DCAF16: variants seen among roughly 807,000 people sequenced by gnomAD.
DCAF16 encodes the protein DDB1- and CUL4-associated factor 16.
A neutral mutation model predicts 17.3 loss-of-function variants in DCAF16; 10 were observed. That is an observed-to-expected ratio of 0.58 (90% CI 0.36 to 0.98). The LOEUF is 0.98. DCAF16 is among the 50% of genes least tolerant of loss of function. The probability of loss-of-function intolerance (pLI) is 0.01; values close to 1 mark genes in which losing one functional copy is unlikely to be tolerated. For synonymous variants in DCAF16, 111 were observed against 92.8 expected, an observed-to-expected ratio of 1.20 and a Z score of -1.12; for missense variants, 249 against 247.6, an observed-to-expected ratio of 1.01 and a Z score of -0.04.
Position 17,802,391 on chromosome 4 carries a change from C to T in DCAF16, c.*1100G>A, listed in dbSNP as rs1471736750. On this transcript the variant is annotated 3_prime_UTR_variant, in exon 3 of 3. Coordinates refer to ENST00000382247, the MANE Select transcript of DCAF16 (RefSeq NM_017741.4). ...TCTTATAGGCTGATTTAGTCAGAGA[C>T]AGCCTGGTGGGAGACTCCGATATAG... 6.6e-6 allele frequency: 1 copy of T among 152,326 alleles called. No homozygotes were observed. Among genetic ancestry groups the T allele is most frequent in the Non-Finnish European group, 1.5e-5 (1 of 68,020 alleles). 9.4% of individuals were successfully genotyped at this position (152,326 alleles called of 1,614,324 possible).
intron 1 of DCAF16, among the ~76,000 whole-genome samples, chr4:17,806,162 T>TA (rs1373917894): frequency 3.9e-5 from 6 of 152,314 alleles, no homozygotes; most frequent in Non-Finnish European, 7.3e-5. Context: ...TACAAACTAT[T>TA]AGAGTTCAAC....
At chr4:17,807,647 G>A (rs1560215008) in intron 1 of DCAF16, among the ~76,000 whole-genome samples, 2 of 152,210 alleles carry the variant, frequency 1.3e-5, no homozygotes, top group Non-Finnish European at 2.9e-5. Flanking sequence ...GTGATGACAG[G>A]AATTAGAAGC....
Position 17,810,719 on chromosome 4 carries a change from A to G in DCAF16, c.-1022T>C, listed in dbSNP as rs565825097. 1.2e-4 allele frequency: 22 copies of G among 189,758 alleles called. No homozygotes were observed. The highest frequency in any genetic ancestry group is 4.9e-4 in the African/African-American group (21 of 43,128). 11.8% of individuals were successfully genotyped at this position (189,758 alleles called of 1,614,324 possible). A position where few individuals can be genotyped will look rare whatever the true frequency, so the allele number is the denominator to read the frequency against. ...CCAGCAGCCCTTCCCCTCCGGTGGC[A>G]AGGCCACTCCGCTCAGCTCCCGCGC... On this transcript the variant is annotated 5_prime_UTR_variant, in exon 1 of 3. Transcript: ENST00000382247.
At chr4:17,795,020 C>T in the DCAF16 span, among the ~76,000 whole-genome samples, 1 of 152,176 alleles carries the variant, frequency 6.6e-6, no homozygotes, top group Non-Finnish European at 1.5e-5. Context: ...ATTACTCCCT[C>T]ATTTTGGTAA....
chr4:17,793,497 C>A, the DCAF16 span, among the ~76,000 whole-genome samples: 28 of 151,956 alleles, frequency 1.8e-4, no homozygotes, highest in Non-Finnish European at 4.0e-4. Flanking sequence ...AAATAAATGT[C>A]AACAGGTAAA....
intron 1 of DCAF16, among the ~76,000 whole-genome samples, chr4:17,809,039 T>A (rs955705877): frequency 6.6e-6 from 1 of 151,720 alleles, no homozygotes; most frequent in African/African-American, 2.4e-5. Context: ...AAAATAAAAA[T>A]AAAAAAATAT....
downstream of DCAF16, among the ~76,000 whole-genome samples, chr4:17,798,310 C>CTTTTTTTTTTTT: frequency 7.6e-6 from 1 of 131,278 alleles, no homozygotes; most frequent in Non-Finnish European, 1.6e-5. Flanking sequence ...TGTTATTTTC[C>CTTTTTTTTTTTT]TTTTTTTTTT....
At position 17,802,179 on chromosome 4, in the gene DCAF16, T is replaced by A. The variant is rs1361681428; in HGVS notation, c.*1312A>T. ...ATGTGGAAAGTACTTGAGCTTTTAC[T>A]CCAGGAAATGCTATACAGATTAAAA... On this transcript the variant is annotated 3_prime_UTR_variant, in exon 3 of 3. Transcript: ENST00000382247. 6.6e-6 allele frequency: 1 copy of A among 152,414 alleles called. No individual in the cohort carries two copies. The highest frequency in any genetic ancestry group is 1.5e-5 in the Non-Finnish European group (1 of 67,984). The allele number at this position is 152,414 out of a possible 1,614,324, so 9.4% of individuals were successfully genotyped here.
In DCAF16 at chr4:17,801,034, TAGACA is replaced by T. The variant is rs998568493; in HGVS notation, c.*2452_*2456del. On this transcript the variant is annotated 3_prime_UTR_variant, in exon 3 of 3. Transcript: ENST00000382247. ...TTCTACAATTCCCTCTTTTTTCCTT[TAGACA>T]AGACAACTAAGGCTCAGCAGAAATA... is the stretch of plus-strand genomic sequence containing the variant. The T allele has an allele frequency of 1.3e-5, 2 of 152,094 alleles. No homozygotes were observed. Among genetic ancestry groups the T allele is most frequent in the Non-Finnish European group, 2.9e-5 (2 of 68,032 alleles). 9.4% of individuals were successfully genotyped at this position (152,094 alleles called of 1,614,324 possible).
rs751989926 is a variant in DCAF16, at chr4:17,803,661, G to A, written c.481C>T (p.Pro161Ser). Residue 161 changes from proline (P) to serine (S), a missense_variant, in exon 3 of 3, where the codon CCC (proline) becomes TCC (serine). Coordinates refer to ENST00000382247, the MANE Select transcript of DCAF16 (RefSeq NM_017741.4). ...ATCTGTTTTAGGTATTCAGGTATGG[G>A]AGTGGCTCTACTCAATGTTCGGCTT... ...QLSRTLSRAT[P>S]IPEYLKQIPN... 6.2e-7 allele frequency: 1 copy of A among 1,614,230 alleles called. No homozygotes were observed. Among genetic ancestry groups the A allele is most frequent in the Non-Finnish European group, 8.5e-7 (1 of 1,180,054 alleles).
At chr4:17,808,599 T>TA (rs900105263) in intron 1 of DCAF16, among the ~76,000 whole-genome samples, 34 of 149,590 alleles carry the variant, frequency 2.3e-4, no homozygotes, top group African/African-American at 8.2e-4. Flanking sequence ...CTTTAACCAT[T>TA]AAAACAAAAC....
chr4:17,798,536 C>T (rs967736574), downstream of DCAF16, among the ~76,000 whole-genome samples: 5 of 151,742 alleles, frequency 3.3e-5, no homozygotes, highest in African/African-American at 4.8e-5. Context: ...GTCGAGGCTG[C>T]GGTGAGCCAA....
At chr4:17,809,649 T>C (rs1720677175) in intron 1 of DCAF16, 1 of 152,160 alleles carries the variant, frequency 6.6e-6, no homozygotes, top group African/African-American at 2.4e-5. Context: ...GAAAAACGGC[T>C]TCCCTCCATC....
the DCAF16 span, among the ~76,000 whole-genome samples, chr4:17,794,522 A>T: frequency 6.6e-6 from 1 of 152,196 alleles, no homozygotes; most frequent in Non-Finnish European, 1.5e-5. Flanking sequence ...GATTCTACAG[A>T]GGCTAAAATT....
At chr4:17,798,258 CA>C (rs1719519046), downstream of DCAF16, among the ~76,000 whole-genome samples, 1 of 150,044 alleles carries the variant, frequency 6.7e-6, no homozygotes. Flanking sequence ...ACTGACTCCA[CA>C]GTTTAGAAGA....
Position 17,804,250 on chromosome 4 carries a change from T to C in DCAF16, c.-109A>G. 1.1e-6 allele frequency: 1 copy of C among 933,836 alleles called. No individual in the cohort carries two copies. Among genetic ancestry groups the C allele is most frequent in the Admixed American group, 2.7e-5 (1 of 36,996 alleles). 57.8% of individuals were successfully genotyped at this position (933,836 alleles called of 1,614,324 possible). A position where few individuals can be genotyped will look rare whatever the true frequency, so the allele number is the denominator to read the frequency against. On this transcript the variant is annotated 5_prime_UTR_variant, in exon 3 of 3. Coordinates refer to ENST00000382247, the MANE Select transcript of DCAF16 (RefSeq NM_017741.4). Reference sequence around the variant, plus strand: ...GAGATGAAAAATCCTTTCACCAAGATTAATTTGTCTTTCAGTCCGTTACAC... The same window carrying C: ...GAGATGAAAAATCCTTTCACCAAGACTAATTTGTCTTTCAGTCCGTTACAC...
downstream of DCAF16, among the ~76,000 whole-genome samples, chr4:17,798,333 T>A (rs1222063785): frequency 7.8e-6 from 1 of 128,028 alleles, no homozygotes; most frequent in Non-Finnish European, 1.6e-5. Flanking sequence ...TTTTTTTTTA[T>A]ACCAGGTACC....
downstream of DCAF16, among the ~76,000 whole-genome samples, chr4:17,798,537 G>A (rs1182324675): frequency 2.6e-5 from 4 of 151,748 alleles, no homozygotes; most frequent in East Asian, 1.9e-4. Flanking sequence ...TCGAGGCTGC[G>A]GTGAGCCAAG....
At position 17,802,119 on chromosome 4, in the gene DCAF16, A is replaced by AG. The variant is rs1719846861; in HGVS notation, c.*1371_*1372insC. 6.6e-6 allele frequency: 1 copy of AG among 152,522 alleles called. No individual in the cohort carries two copies. Among genetic ancestry groups the AG allele is most frequent in the Non-Finnish European group, 1.5e-5 (1 of 68,218 alleles). The allele number at this position is 152,522 out of a possible 1,614,324, so 9.4% of individuals were successfully genotyped here. A position where few individuals can be genotyped will look rare whatever the true frequency, so the allele number is the denominator to read the frequency against. On this transcript the variant is annotated 3_prime_UTR_variant, in exon 3 of 3. Coordinates refer to ENST00000382247, the MANE Select transcript of DCAF16 (RefSeq NM_017741.4). ...TCCGTCTCAAAAAAAAAAAAAAAAA[A>AG]AAAATTAGAAGGGTTCCTGAAAAGT...
Sources: allele counts gnomAD v4.1 joint callset (sites outside exome capture counted in the v4.1 genomes callset), GRCh38; gene constraint gnomAD v4.1.1; transcripts MANE v1.5; gene names NCBI Gene and HGNC (gene_info 2026-07-23, HGNC 2026-07-21).